ADAMTSL1: variants seen among roughly 807,000 people sequenced by gnomAD.
ADAMTSL1 encodes the protein ADAMTS-like protein 1.
In ADAMTSL1, 126 loss-of-function variants were observed where a neutral mutation model predicts 201.8. That is an observed-to-expected ratio of 0.62 (90% CI 0.54 to 0.72). The LOEUF (loss-of-function observed/expected upper bound fraction) is 0.72, where lower values mean the gene tolerates loss of function less well. Ranked by LOEUF, ADAMTSL1 falls within the 30% of genes least tolerant of loss-of-function variation. The probability of loss-of-function intolerance (pLI) is 0.00; values close to 1 mark genes in which losing one functional copy is unlikely to be tolerated. For missense variants in ADAMTSL1, 2,679 were observed against 2,277.8 expected, an observed-to-expected ratio of 1.18 and a Z score of -3.59; for synonymous variants, 1,121 against 903.4, an observed-to-expected ratio of 1.24 and a Z score of -4.32.
intron 14 of ADAMTSL1, among the ~76,000 whole-genome samples, chr9:18,713,452 G>C (rs1832731241): frequency 6.6e-6 from 1 of 152,112 alleles, no homozygotes. Context: ...TGCAATCCTA[G>C]TCTCTGATAA....
At chr9:18,146,442 T>C (rs973170260) in intron 1 of ADAMTSL1, among the ~76,000 whole-genome samples, 1 of 152,108 alleles carries the variant, frequency 6.6e-6, no homozygotes, top group Non-Finnish European at 1.5e-5. Context: ...GAAATACATA[T>C]TGCCGAGAAA....
intron 9 of ADAMTSL1, among the ~76,000 whole-genome samples, chr9:18,670,438 A>C (rs1829740882): frequency 6.6e-6 from 1 of 152,136 alleles, no homozygotes; most frequent in Admixed American, 6.5e-5. Flanking sequence ...CACATCAGCC[A>C]ATCACCCCCG....
In ADAMTSL1 at chr9:18,512,237, G is replaced by T. The variant is rs577641437; in HGVS notation, c.191+7281G>T. 3.0e-4 allele frequency among the ~76,000 whole-genome samples: 46 copies of T among 152,200 alleles called. 1 individual carries two copies. The South Asian group carries it at 6.8e-3, about 23-fold the overall frequency. ...ATTTCAGGTCATATATCTTAGGGGG[G>T]TGTATTGTTCCAAGATCTGATCTCC... On this transcript the variant is annotated intron_variant, in intron 2 of 28. Coordinates refer to ENST00000380548, the MANE Select transcript of ADAMTSL1 (RefSeq NM_001040272.6).
chr9:18,451,441 C>A (rs1036913984), intron 2 of ADAMTSL1, among the ~76,000 whole-genome samples: 4 of 152,120 alleles, frequency 2.6e-5, no homozygotes, highest in African/African-American at 9.7e-5. Context: ...TTATGTGTAC[C>A]TGTATTATAG....
intron 2 of ADAMTSL1, among the ~76,000 whole-genome samples, chr9:18,389,524 C>G (rs1360270917): frequency 6.6e-6 from 1 of 152,116 alleles, no homozygotes; most frequent in Non-Finnish European, 1.5e-5. Context: ...CTTAGTGCAG[C>G]TAGTTGTGTT....
intron 2 of ADAMTSL1, among the ~76,000 whole-genome samples, chr9:18,287,622 T>TATATACAC (rs1563860033): frequency 2.7e-5 from 4 of 148,186 alleles, no homozygotes; most frequent in Non-Finnish European, 4.5e-5. Flanking sequence ...TGTATGTGTA[T>TATATACAC]ACATATACGC....
chr9:18,624,525 C>T (rs1419938842), intron 5 of ADAMTSL1, among the ~76,000 whole-genome samples: 1 of 152,142 alleles, frequency 6.6e-6, no homozygotes, highest in Non-Finnish European at 1.5e-5. Context: ...CTGTTAGGTA[C>T]AAAAGGAAAT....
intron 4 of ADAMTSL1, among the ~76,000 whole-genome samples, chr9:18,584,645 A>G (rs1248907080): frequency 3.3e-5 from 5 of 152,170 alleles, no homozygotes; most frequent in South Asian, 4.1e-4. Flanking sequence ...TTAGGTGTCA[A>G]CTTGACCAGA....
chr9:18,327,895 G>A (rs1563889809), intron 2 of ADAMTSL1, among the ~76,000 whole-genome samples: 1 of 152,164 alleles, frequency 6.6e-6, no homozygotes, highest in African/African-American at 2.4e-5. Context: ...ATTTAGCTGT[G>A]TAGATTGTGG....
chr9:18,761,650 G>A (rs535279851), intron 16 of ADAMTSL1, among the ~76,000 whole-genome samples: 2 of 151,024 alleles, frequency 1.3e-5, no homozygotes, highest in African/African-American at 4.9e-5. Flanking sequence ...TTTTTTCTTT[G>A]CATCCTGCCT....
chr9:18,036,643 C>A (rs1037992163), intron 1 of ADAMTSL1, among the ~76,000 whole-genome samples: 3 of 152,098 alleles, frequency 2.0e-5, no homozygotes, highest in Non-Finnish European at 4.4e-5. Context: ...AGATCAGTGA[C>A]ACATACTGGG....
intron 1 of ADAMTSL1, among the ~76,000 whole-genome samples, chr9:18,160,905 C>A (rs1016799557): frequency 7.1e-6 from 1 of 140,464 alleles, no homozygotes; most frequent in African/African-American, 2.7e-5. Flanking sequence ...CCAGGCTGGT[C>A]TGGAATTCCT....
chr9:18,204,104 G>A (rs1279683155), intron 2 of ADAMTSL1, among the ~76,000 whole-genome samples: 1 of 152,082 alleles, frequency 6.6e-6, no homozygotes, highest in African/African-American at 2.4e-5. Flanking sequence ...TATCTACTGT[G>A]GGCTAGCTGC....
chr9:18,500,838 A>G (rs766616230), intron 1 of ADAMTSL1, among the ~76,000 whole-genome samples: 11 of 152,364 alleles, frequency 7.2e-5, no homozygotes, highest in Admixed American at 2.6e-4. Flanking sequence ...AAAGAACTTA[A>G]TAGTTGTTCT....
At chr9:18,219,772 C>A (rs1830188590) in intron 2 of ADAMTSL1, among the ~76,000 whole-genome samples, 1 of 152,098 alleles carries the variant, frequency 6.6e-6, no homozygotes, top group South Asian at 2.1e-4. Flanking sequence ...CTTACAGTGT[C>A]ATTATAAAAA....
chr9:18,403,155 T>TG (rs772838572), intron 2 of ADAMTSL1, among the ~76,000 whole-genome samples: 1,906 of 144,690 alleles, frequency 0.013, 35 homozygotes, highest in African/African-American at 0.045. Context: ...TTTCTTGTAA[T>TG]CTTTTTTTTT....
At chr9:18,379,930 T>C (rs747683905) in intron 2 of ADAMTSL1, among the ~76,000 whole-genome samples, 1 of 152,238 alleles carries the variant, frequency 6.6e-6, no homozygotes, top group Non-Finnish European at 1.5e-5. Flanking sequence ...CCCTTCCTGT[T>C]TTCCCATTCC....
chr9:17,946,434 C>T (rs1335173654), intron 1 of ADAMTSL1, among the ~76,000 whole-genome samples: 3 of 152,046 alleles, frequency 2.0e-5, no homozygotes, highest in African/African-American at 7.2e-5. Context: ...TTTCACCCCC[C>T]AGTGAACTTA....
chr9:18,904,258 C>G (rs534108617), intron 26 of ADAMTSL1, among the ~76,000 whole-genome samples: 1 of 152,208 alleles, frequency 6.6e-6, no homozygotes, highest in South Asian at 2.1e-4. Flanking sequence ...CACCTGAGGT[C>G]AAGAATTCAA....
Sources: allele counts gnomAD v4.1 joint callset (sites outside exome capture counted in the v4.1 genomes callset), GRCh38; gene constraint gnomAD v4.1.1; transcripts MANE v1.5; gene names NCBI Gene and HGNC (gene_info 2026-07-23, HGNC 2026-07-21).